The following PRKCB variants were observed in gnomAD, a reference collection of about 807,000 sequenced individuals.
PRKCB encodes protein kinase C beta, also known as protein kinase C beta type.
Under a neutral mutation model 81.5 loss-of-function variants are expected in PRKCB, and 13 were observed. The ratio of observed to expected loss-of-function variants is 0.16; its 90% CI spans 0.10 to 0.25. The LOEUF (loss-of-function observed/expected upper bound fraction) is 0.25, where lower values mean the gene tolerates loss of function less well. PRKCB is among the 10% of genes least tolerant of loss of function. The pLI is 1.00. For synonymous variants in PRKCB, 335 were observed against 321.4 expected, an observed-to-expected ratio of 1.04 and a Z score of -0.45; for missense variants, 509 against 875.7, an observed-to-expected ratio of 0.58 and a Z score of 5.29.
At chr16:24,009,426 A>AT (rs550009011) in intron 3 of PRKCB, among the ~76,000 whole-genome samples, 9,126 of 139,818 alleles carry the variant, frequency 0.065, 338 homozygotes, top group African/African-American at 0.095. Context: ...TAGGATGACT[A>AT]TTTTTTTTTT....
intron 3 of PRKCB, among the ~76,000 whole-genome samples, chr16:23,994,350 T>C (rs1394021164): frequency 6.6e-6 from 1 of 152,202 alleles, no homozygotes; most frequent in African/African-American, 2.4e-5. Context: ...GAATGGATAA[T>C]TAGAATAGAC....
intron 2 of PRKCB, among the ~76,000 whole-genome samples, chr16:23,970,066 C>A (rs1030370398): frequency 6.6e-6 from 1 of 152,164 alleles, no homozygotes; most frequent in African/African-American, 2.4e-5. Flanking sequence ...AACCTTTTGG[C>A]AGCATCTAAA....
chr16:23,991,850 A>G (rs1400386558), intron 3 of PRKCB, among the ~76,000 whole-genome samples: 2 of 152,218 alleles, frequency 1.3e-5, no homozygotes, highest in Non-Finnish European at 2.9e-5. Context: ...CATGAATCAC[A>G]TATTGCCAGA....
intron 5 of PRKCB, among the ~76,000 whole-genome samples, chr16:24,070,147 ATTT>A (rs761693030): frequency 5.2e-5 from 7 of 134,894 alleles, no homozygotes; most frequent in Non-Finnish European, 3.2e-5. Flanking sequence ...AAACCAGGGG[ATTT>A]TTTTTTTTTT....
At chr16:23,995,279 T>C (rs930689032) in intron 3 of PRKCB, among the ~76,000 whole-genome samples, 1 of 152,124 alleles carries the variant, frequency 6.6e-6, no homozygotes, top group Non-Finnish European at 1.5e-5. Context: ...TGGTTTTCAG[T>C]AGGGCCCAGA....
chr16:24,077,604 A>G (rs530853214), intron 5 of PRKCB, among the ~76,000 whole-genome samples: 1 of 152,282 alleles, frequency 6.6e-6, no homozygotes, highest in South Asian at 2.1e-4. Context: ...ATGTAATCAT[A>G]TATCCGTTTA....
chr16:24,181,077 G>A (rs1304360478), intron 13 of PRKCB, 149 bp downstream of exon 13: 1 of 1,012,106 alleles, frequency 9.9e-7, no homozygotes, highest in African/African-American at 1.6e-5. Context: ...CTCCCTTTGA[G>A]ATCACACATG....
chr16:24,219,907 G>T lies in PRKCB; in HGVS notation c.*5091G>T. 6.3e-7 allele frequency: 1 copy of T among 1,593,358 alleles called. No individual in the cohort carries two copies. The highest frequency in any genetic ancestry group is 2.3e-5 in the East Asian group (1 of 44,118). On this transcript the variant is annotated 3_prime_UTR_variant, in exon 17 of 17. Transcript: ENST00000643927. ...GCCACCCAATGACTGGCGTATCTTG[G>T]TCCTGTGTCTTTCTTCTTACGCTGT...
intron 2 of PRKCB, among the ~76,000 whole-genome samples, chr16:23,976,438 T>C (rs911906746): frequency 3.9e-5 from 6 of 152,164 alleles, no homozygotes; most frequent in African/African-American, 1.4e-4. Context: ...TCTCTTTGGG[T>C]GTCCTGAGTC....
chr16:24,036,581 C>T (rs1457366980), intron 5 of PRKCB, among the ~76,000 whole-genome samples: 1 of 152,068 alleles, frequency 6.6e-6, no homozygotes, highest in Non-Finnish European at 1.5e-5. Flanking sequence ...CCCTGGGTTG[C>T]GGAGGGGCTT....
chr16:23,913,361 C>T (rs763693765), intron 2 of PRKCB, among the ~76,000 whole-genome samples: 10 of 152,000 alleles, frequency 6.6e-5, no homozygotes, highest in Non-Finnish European at 1.3e-4. Flanking sequence ...ATCTGACTGG[C>T]CAGGCTTAGT....
chr16:24,214,506 A>T, intron 16 of PRKCB, 152 bp from the exon 17 acceptor site: 1 of 695,994 alleles, frequency 1.4e-6, no homozygotes, highest in Non-Finnish European at 2.4e-6. Flanking sequence ...TGTTGCTCTC[A>T]TTTCTGATCA....
intron 2 of PRKCB, among the ~76,000 whole-genome samples, chr16:23,932,887 G>A (rs1248325489): frequency 2.6e-5 from 4 of 152,186 alleles, no homozygotes; most frequent in African/African-American, 9.7e-5. Context: ...CTAAGGAGAT[G>A]AAGATGGAAA....
Position 23,990,480 on chromosome 16 carries a change from CTT to C in PRKCB, c.288+1904_288+1905del, listed in dbSNP as rs759982148. Among the ~76,000 whole-genome samples the C allele has an allele frequency of 6.4e-3, 905 of 142,346 alleles. 7 individuals are homozygous for C. Among genetic ancestry groups the C allele is most frequent in the African/African-American group, 0.022 (859 of 38,578 alleles). The allele number at this position is 142,346 out of a possible 152,430, so 93.4% of individuals were successfully genotyped here. ...CTCGAAAAAAAAGAAAAAAAAGAAG[CTT>C]TTTTTTTTTTTTTCTTTTTTTTTTT... is the stretch of plus-strand genomic sequence containing the variant. On this transcript the variant is annotated intron_variant, in intron 3 of 16. Coordinates refer to ENST00000643927, the MANE Select transcript of PRKCB (RefSeq NM_002738.7).
intron 5 of PRKCB, among the ~76,000 whole-genome samples, chr16:24,040,660 C>T (rs561631976): frequency 1.3e-5 from 2 of 152,128 alleles, no homozygotes; most frequent in Admixed American, 6.5e-5. Flanking sequence ...GAATGAGAAA[C>T]CCCTGGAGGA....
At chr16:23,851,832 T>A (rs963322040) in intron 2 of PRKCB, among the ~76,000 whole-genome samples, 5 of 152,200 alleles carry the variant, frequency 3.3e-5, no homozygotes, top group Admixed American at 1.3e-4. Context: ...AGTAATTTTT[T>A]TTTTGCTGCT....
At chr16:23,992,681 T>C (rs1392086104) in intron 3 of PRKCB, among the ~76,000 whole-genome samples, 2 of 152,220 alleles carry the variant, frequency 1.3e-5, no homozygotes, top group Non-Finnish European at 2.9e-5. Context: ...TTCTAGCCTG[T>C]AGTTGCAGGG....
rs139060777 is a variant in PRKCB at position 24,195,057 on chromosome 16, G to T, written c.1863+3827G>T. Among the ~76,000 whole-genome samples the T allele has an allele frequency of 9.6e-4, 146 of 152,178 alleles. 2 individuals carry two copies. The highest frequency in any genetic ancestry group is 3.5e-3 in the African/African-American group (144 of 41,516). On this transcript the variant is annotated intron_variant, in intron 16 of 16. Coordinates refer to ENST00000643927, the MANE Select transcript of PRKCB (RefSeq NM_002738.7). ...CGTCTCTACAAAAAATACAAACGTT[G>T]GTGGGCGTGATAGCATCCACCTGTA...
intron 2 of PRKCB, among the ~76,000 whole-genome samples, chr16:23,871,346 C>A (rs1031174480): frequency 2.6e-5 from 4 of 152,078 alleles, no homozygotes; most frequent in Admixed American, 2.6e-4. Context: ...GAAGGATTTG[C>A]CTGCCCAGCA....
Sources: gnomAD v4.1 joint callset for allele counts (sites outside exome capture counted in the v4.1 genomes callset) on GRCh38, gnomAD v4.1.1 for gene constraint, MANE v1.5 for transcripts, NCBI Gene and HGNC (gene_info 2026-07-23, HGNC 2026-07-21) for gene names.